FXYD5: variants seen among roughly 807,000 people sequenced by gnomAD.
The protein encoded by FXYD5 is FXYD domain containing ion transport regulator 5, also known as FXYD domain-containing ion transport regulator 5.
A neutral mutation model predicts 25.7 loss-of-function variants in FXYD5; 21 were observed. The ratio of observed to expected loss-of-function variants is 0.82; its 90% CI spans 0.58 to 1.18. FXYD5 has a LOEUF of 1.18. Among genes scored for constraint, FXYD5 ranks in the 50% most tolerant of loss-of-function variants. FXYD5 has a pLI of 0.00. For synonymous variants in FXYD5, 101 were observed against 90.7 expected (o/e 1.11, Z -0.64); for missense variants, 229 against 227.7 (o/e 1.01, Z -0.04).
intron 4 of FXYD5, chr19:35,159,855 G>A (rs2065389353): frequency 3.5e-6 from 2 of 574,686 alleles, no homozygotes; most frequent in East Asian, 6.7e-5. Flanking sequence ...ACCAGAGCCT[G>A]TGCTTTTATC....
At chr19:35,163,405 ATT>A (rs112084586) in intron 5 of FXYD5, among the ~76,000 whole-genome samples, 21 of 140,328 alleles carry the variant, frequency 1.5e-4, no homozygotes, top group African/African-American at 5.0e-4. Context: ...GGAGGTACTG[ATT>A]TTTTTTTTTT....
intron 2 of FXYD5, 151 bp downstream of exon 2, chr19:35,155,762 G>T: frequency 1.5e-6 from 1 of 684,190 alleles, no homozygotes; most frequent in Admixed American, 2.1e-5. Flanking sequence ...GGATCCCTAT[G>T]GCGGGGCGAC....
chr19:35,163,305 C>G (rs1009404018), intron 5 of FXYD5, among the ~76,000 whole-genome samples: 4 of 151,940 alleles, frequency 2.6e-5, no homozygotes, highest in Admixed American at 6.6e-5. Context: ...TTGGGTTTCA[C>G]GAGGGAGCTT....
At chr19:35,164,473 G>A (rs1429864748) in intron 6 of FXYD5, among the ~76,000 whole-genome samples, 2 of 152,164 alleles carry the variant, frequency 1.3e-5, no homozygotes, top group Non-Finnish European at 2.9e-5. Context: ...TGGCTTAAAA[G>A]GATAACCATT....
intron 1 of FXYD5, 56 bp from the exon 2 acceptor site, chr19:35,155,495 C>T (rs1040738547): frequency 2.1e-6 from 3 of 1,415,240 alleles, no homozygotes; most frequent in Non-Finnish European, 2.0e-6. Flanking sequence ...CCGGGGGCTG[C>T]CGGAGGTCGG....
intron 5 of FXYD5, among the ~76,000 whole-genome samples, chr19:35,163,066 C>T (rs2065419427): frequency 6.6e-6 from 1 of 152,210 alleles, no homozygotes; most frequent in Admixed American, 6.5e-5. Flanking sequence ...ACTCAGCTTG[C>T]CCTAGGCAAT....
chr19:35,155,458 C>T (rs2065344456), intron 1 of FXYD5, 93 bp from the exon 2 acceptor site: 1 of 1,053,708 alleles, frequency 9.5e-7, no homozygotes, highest in Non-Finnish European at 1.5e-6. Context: ...GGTTTTTGCT[C>T]AGGGCAGGGA....
At chr19:35,164,637 T>A (rs1405423921) in intron 6 of FXYD5, among the ~76,000 whole-genome samples, 1 of 152,106 alleles carries the variant, frequency 6.6e-6, no homozygotes, top group Non-Finnish European at 1.5e-5. Context: ...TCCCTGGTGA[T>A]CTTATCCACC....
At chr19:35,169,447 G>C (rs1385738867) in intron 8 of FXYD5, 119 bp from the exon 9 acceptor site, 1 of 737,278 alleles carries the variant, frequency 1.4e-6, no homozygotes, top group African/African-American at 1.7e-5. Flanking sequence ...TTTGTTTATG[G>C]AGTTGCCTTT....
At chr19:35,165,009 T>C (rs2065438389) in intron 6 of FXYD5, among the ~76,000 whole-genome samples, 1 of 152,168 alleles carries the variant, frequency 6.6e-6, no homozygotes, top group Non-Finnish European at 1.5e-5. Context: ...TTTTAGAATA[T>C]TTGCATTATA....
At chr19:35,164,544 T>C (rs1230791861) in intron 6 of FXYD5, among the ~76,000 whole-genome samples, 1 of 152,256 alleles carries the variant, frequency 6.6e-6, no homozygotes, top group Non-Finnish European at 1.5e-5. Flanking sequence ...CTGGTTCTTC[T>C]GGTTTCAGCT....
intron 8 of FXYD5, among the ~76,000 whole-genome samples, chr19:35,168,955 C>T (rs763217271): frequency 7.3e-5 from 11 of 151,254 alleles, no homozygotes; most frequent in Non-Finnish European, 1.5e-4. Flanking sequence ...CCCAGCTACT[C>T]GGGAGGCTGA....
rs1672994 is a variant in FXYD5 at position 35,164,248 on chromosome 19, T to C, written c.382+3T>C. On this transcript the variant is annotated splice_donor_region_variant and intron_variant, in intron 6 of 8. Coordinates refer to ENST00000392219, the MANE Select transcript of FXYD5 (RefSeq NM_014164.6). ...CCCCCAGACCCTCAAGCCATCTGGT[T>C]AGTAACTGCCTCCCCAGACTGGAAA... The C allele has an allele frequency of 0.8, 1,293,608 of 1,609,258 alleles. 521,298 individuals are homozygous for C. Among genetic ancestry groups the C allele is most frequent in the South Asian group, 0.88 (79,855 of 90,506 alleles).
intron 2 of FXYD5, 44 bp downstream of exon 2, chr19:35,155,655 C>A: frequency 1.4e-6 from 2 of 1,405,878 alleles, no homozygotes; most frequent in Non-Finnish European, 2.0e-6. Context: ...GAGCCCCCAG[C>A]CAGGCCAGCC....
chr19:35,166,682 A>C (rs1390416857), intron 8 of FXYD5: 3 of 364,832 alleles, frequency 8.2e-6, no homozygotes, highest in African/African-American at 6.3e-5. Flanking sequence ...GCTTGTTCGC[A>C]TGGTGGTGGC....
rs2065341413 is a variant in FXYD5 at position 35,155,179 on chromosome 19, T to C, written c.-1+370T>C. The C allele has an allele frequency of 3.2e-5, 8 of 252,156 alleles. No homozygotes were observed. The South Asian group carries it at 5.5e-4, about 17-fold the overall frequency. The allele number at this position is 252,156 out of a possible 1,614,324, so 15.6% of individuals were successfully genotyped here. On this transcript the variant is annotated intron_variant, in intron 1 of 8. Transcript: ENST00000392219. ...CCCCTGGGGGAGGGAAGAGGCCTCCTATCTACTCCTCTGCCCCAGTCCCCT... is the reference window on the plus strand; with the variant it reads ...CCCCTGGGGGAGGGAAGAGGCCTCCCATCTACTCCTCTGCCCCAGTCCCCT...
Position 35,169,640 on chromosome 19 carries a change from A to T in FXYD5, c.*25A>T, listed in dbSNP as rs2065481116. 1 of 1,554,290 alleles carries T rather than the reference A, an allele frequency of 6.4e-7. No individual in the cohort carries two copies. Among genetic ancestry groups the T allele is most frequent in the Admixed American group, 1.7e-5 (1 of 59,896 alleles). ...AGTCCATCAGAAACAGGAGCTGACA[A>T]CCTGCTGGGCACCCGAAGACCAAGC... is the stretch of plus-strand genomic sequence containing the variant. On this transcript the variant is annotated 3_prime_UTR_variant, in exon 9 of 9. Coordinates refer to ENST00000392219, the MANE Select transcript of FXYD5 (RefSeq NM_014164.6).
rs1377734082 is a variant in FXYD5 at position 35,169,437 on chromosome 19, T to G, written c.488-129T>G. On this transcript the variant is annotated intron_variant, in intron 8 of 8. Coordinates refer to ENST00000392219, the MANE Select transcript of FXYD5 (RefSeq NM_014164.6). Reference sequence around the variant, plus strand: ...CTGTTCTCGGTGTGTTTCTCCATCATTTGTTTATGGAGTTGCCTTTGAGTT... The same window carrying G: ...CTGTTCTCGGTGTGTTTCTCCATCAGTTGTTTATGGAGTTGCCTTTGAGTT... 11 of 693,760 alleles carry G rather than the reference T, an allele frequency of 1.6e-5. No individual in the cohort carries two copies. In the Admixed American group the frequency reaches 1.8e-4, roughly 11 times the overall value. 43.0% of individuals were successfully genotyped at this position (693,760 alleles called of 1,614,324 possible).
chr19:35,162,039 C>T (rs1026844285), intron 5 of FXYD5, among the ~76,000 whole-genome samples: 19 of 152,192 alleles, frequency 1.2e-4, no homozygotes, highest in African/African-American at 4.1e-4. Context: ...AAAAGTGCAC[C>T]TGTAGGGGTG....
Sources: gnomAD v4.1 joint callset for allele counts (sites outside exome capture counted in the v4.1 genomes callset) on GRCh38, gnomAD v4.1.1 for gene constraint, MANE v1.5 for transcripts, NCBI Gene and HGNC (gene_info 2026-07-23, HGNC 2026-07-21) for gene names.